The following CASTOR2 variants were observed in gnomAD, a reference collection of about 807,000 sequenced individuals.
The protein encoded by CASTOR2 is GATS protein like 2.
CASTOR2 carries 8 observed loss-of-function variants against 31.2 expected under a neutral mutation model. That is an observed-to-expected ratio of 0.26 (90% CI 0.15 to 0.46). The LOEUF (loss-of-function observed/expected upper bound fraction) is 0.46. Ranked by LOEUF, CASTOR2 falls within the 20% of genes least tolerant of loss-of-function variation. CASTOR2 has a pLI of 0.99. For synonymous variants in CASTOR2, 162 were observed against 158.7 expected (o/e 1.02, Z -0.16); for missense variants, 216 against 382.1 (o/e 0.57, Z 3.62).
At chr7:75,004,274 G>GT (rs1304037701) in intron 1 of CASTOR2, among the ~76,000 whole-genome samples, 1 of 152,172 alleles carries the variant, frequency 6.6e-6, no homozygotes, top group Non-Finnish European at 1.5e-5. Context: ...AGCAATTATA[G>GT]ATTTCACGTG....
intron 1 of CASTOR2, among the ~76,000 whole-genome samples, chr7:74,990,457 C>T (rs1554437213): frequency 6.6e-6 from 1 of 151,988 alleles, no homozygotes; most frequent in Non-Finnish European, 1.5e-5. Context: ...GTGGCTTATA[C>T]CTGTAATCCC....
At chr7:74,993,138 T>C (rs1804251623) in intron 1 of CASTOR2, among the ~76,000 whole-genome samples, 1 of 151,692 alleles carries the variant, frequency 6.6e-6, no homozygotes, top group African/African-American at 2.4e-5. Flanking sequence ...AGGGGGATGT[T>C]GCATGAGCAG....
chr7:75,024,912 C>T lies in CASTOR2; in HGVS notation c.*213C>T, dbSNP rs1326950659. 8.3e-7 allele frequency: 1 copy of T among 1,204,812 alleles called. No homozygotes were observed. Among genetic ancestry groups the T allele is most frequent in the Non-Finnish European group, 1.2e-6 (1 of 863,724 alleles). The allele number at this position is 1,204,812 out of a possible 1,614,324, so 74.6% of individuals were successfully genotyped here. The stretch of plus-strand genomic sequence containing the variant: ...TCCTGCCTTCCCGGAGCCCCCCGAC[C>T]CTCCAGAGAACGACCTTTCTCTTCC... On this transcript the variant is annotated 3_prime_UTR_variant, in exon 9 of 9. Transcript: ENST00000616305.
In CASTOR2 at chr7:75,027,333, TG is replaced by T. The variant is rs1314972389; in HGVS notation, c.*2640del. 6.5e-6 allele frequency: 1 copy of T among 152,678 alleles called. No homozygotes were observed. Among genetic ancestry groups the T allele is most frequent in the African/African-American group, 2.4e-5 (1 of 41,398 alleles). The allele number at this position is 152,678 out of a possible 1,614,324, so 9.5% of individuals were successfully genotyped here. A position where few individuals can be genotyped will look rare whatever the true frequency, so the allele number is the denominator to read the frequency against. On this transcript the variant is annotated 3_prime_UTR_variant, in exon 9 of 9. Transcript: ENST00000616305. The stretch of plus-strand genomic sequence containing the variant: ...GGCAAGATCCCTGGGCGCCCTTATT[TG>T]GGGGGATGTTGATCCCGAGGGAGGA...
chr7:75,012,192 CA>C (rs1209713142), intron 2 of CASTOR2, among the ~76,000 whole-genome samples: 1 of 152,126 alleles, frequency 6.6e-6, no homozygotes, highest in African/African-American at 2.4e-5. Context: ...AGAAGACTCT[CA>C]GGGGGCTGTG....
chr7:74,999,136 C>CA (rs1401315328), intron 1 of CASTOR2, among the ~76,000 whole-genome samples: 2 of 152,046 alleles, frequency 1.3e-5, no homozygotes, highest in Non-Finnish European at 2.9e-5. Context: ...GCTGGGACTA[C>CA]AGGCGCCCGC....
intron 1 of CASTOR2, among the ~76,000 whole-genome samples, chr7:74,987,463 T>G (rs1476921744): frequency 2.4e-4 from 37 of 151,916 alleles, no homozygotes; most frequent in African/African-American, 8.7e-4. Flanking sequence ...AGGAAGGTTC[T>G]TAAGTCGCTC....
chr7:75,017,858 C>T lies in CASTOR2; in HGVS notation c.378+67C>T, dbSNP rs1441606704. The T allele has an allele frequency of 1.4e-5, 23 of 1,613,898 alleles. No homozygotes were observed. In the Middle Eastern group the frequency reaches 5.0e-4, roughly 35 times the overall value. ...GCCTCTGACACACTCACTCCCATCT[C>T]CCACCCCTTGCAGCCTTGCCCTTCC... On this transcript the variant is annotated intron_variant, in intron 3 of 8. Coordinates refer to ENST00000616305, the MANE Select transcript of CASTOR2 (RefSeq NM_001145064.3).
At position 75,022,206 on chromosome 7, in the gene CASTOR2, T is replaced by G. The variant is rs983021590; in HGVS notation, c.829+250T>G. Among the ~76,000 whole-genome samples the G allele has an allele frequency of 5.6e-3, 852 of 152,268 alleles. 7 individuals are homozygous for G. The highest frequency in any genetic ancestry group is 0.019 in the African/African-American group (794 of 41,532). On this transcript the variant is annotated intron_variant, in intron 7 of 8. Coordinates refer to ENST00000616305, the MANE Select transcript of CASTOR2 (RefSeq NM_001145064.3). ...CTCTTGAAATTTAATATGTTGCTTATTATTAGAAAATTAAGCAGCTGGGCG... is the reference window on the plus strand; with the variant it reads ...CTCTTGAAATTTAATATGTTGCTTAGTATTAGAAAATTAAGCAGCTGGGCG...
Position 75,031,289 on chromosome 7 carries a change from G to A in CASTOR2, c.*6590G>A, listed in dbSNP as rs1805296514. 2.0e-5 allele frequency among the ~76,000 whole-genome samples: 3 copies of A among 152,088 alleles called. No individual in the cohort carries two copies. Among genetic ancestry groups the A allele is most frequent in the Admixed American group, 1.3e-4 (2 of 15,258 alleles). On this transcript the variant is annotated 3_prime_UTR_variant, in exon 9 of 9. Coordinates refer to ENST00000616305, the MANE Select transcript of CASTOR2 (RefSeq NM_001145064.3). ...ACCCCCTCCAACCCTCACCTGGCGT[G>A]CCCGGGTCACCAGCAGCAGCAGCGG...
At position 75,030,723 on chromosome 7, in the gene CASTOR2, T is replaced by A. The variant is rs1483702885; in HGVS notation, c.*6024T>A. Among the ~76,000 whole-genome samples, 14 of 152,214 alleles carry A rather than the reference T, an allele frequency of 9.2e-5. No individual in the cohort carries two copies. In the East Asian group the frequency reaches 2.7e-3, roughly 29 times the overall value. ...AGGGCCCAGGGTAAAAGCCAACGTG[T>A]TATTTTTATCCCTAGCCTCAGAATT... On this transcript the variant is annotated 3_prime_UTR_variant, in exon 9 of 9. Coordinates refer to ENST00000616305, the MANE Select transcript of CASTOR2 (RefSeq NM_001145064.3).
At chr7:75,015,087 G>A (rs1234590796) in intron 2 of CASTOR2, among the ~76,000 whole-genome samples, 1 of 152,200 alleles carries the variant, frequency 6.6e-6, no homozygotes, top group Non-Finnish European at 1.5e-5. Context: ...GGACCAATGG[G>A]CTCCTTGGGC....
At chr7:74,989,446 G>A (rs1244221768) in intron 1 of CASTOR2, among the ~76,000 whole-genome samples, 1 of 151,896 alleles carries the variant, frequency 6.6e-6, no homozygotes, top group Non-Finnish European at 1.5e-5. Flanking sequence ...TTTTGAGATG[G>A]AGTCTCGCTC....
chr7:74,995,389 C>T (rs1804317104), intron 1 of CASTOR2, among the ~76,000 whole-genome samples: 1 of 151,110 alleles, frequency 6.6e-6, no homozygotes, highest in Non-Finnish European at 1.5e-5. Context: ...GGCACAGTGG[C>T]TGACACAGTG....
chr7:74,993,880 GTTT>G (rs1804274359), intron 1 of CASTOR2, among the ~76,000 whole-genome samples: 1 of 151,784 alleles, frequency 6.6e-6, no homozygotes, highest in Admixed American at 6.6e-5. Context: ...CTCAGAAAAG[GTTT>G]TGCCAGGCAA....
In CASTOR2 at chr7:75,020,701, A is replaced by G. The variant is rs1037589897; in HGVS notation, c.746+552A>G. ...AGACCAGGTTTCACCATGTTAGCCA[A>G]GATGGTCTGGATCTCCTGACCTTGT... On this transcript the variant is annotated intron_variant, in intron 6 of 8. Transcript: ENST00000616305. 9.9e-3 allele frequency among the ~76,000 whole-genome samples: 1,500 copies of G among 151,764 alleles called. 18 individuals carry two copies. Among genetic ancestry groups the G allele is most frequent in the African/African-American group, 0.026 (1,077 of 41,400 alleles).
chr7:74,998,572 C>T (rs1804413359), intron 1 of CASTOR2, among the ~76,000 whole-genome samples: 1 of 148,610 alleles, frequency 6.7e-6, no homozygotes, highest in Non-Finnish European at 1.5e-5. Context: ...CACTGCACTC[C>T]AGCCTGGGCG....
intron 1 of CASTOR2, among the ~76,000 whole-genome samples, chr7:74,997,535 T>C (rs1554438037): frequency 0.88 from 133,521 of 151,698 alleles, 58,858 homozygotes; most frequent in East Asian, 0.98. Context: ...AAGCGATTCT[T>C]GTGCTTCAGC....
chr7:75,024,349 G>A (rs1276321847), intron 7 of CASTOR2, 91 bp from the exon 8 acceptor site: 6 of 1,240,720 alleles, frequency 4.8e-6, no homozygotes, highest in Non-Finnish European at 6.9e-6. Context: ...GTGCAGGGTA[G>A]GCATTGCCCA....
Sources: gnomAD v4.1 joint callset for allele counts (sites outside exome capture counted in the v4.1 genomes callset) on GRCh38, gnomAD v4.1.1 for gene constraint, MANE v1.5 for transcripts, NCBI Gene and HGNC (gene_info 2026-07-23, HGNC 2026-07-21) for gene names.